TMEM182: variants seen among roughly 807,000 people sequenced by gnomAD.
The protein encoded by TMEM182 is transmembrane protein 182.
A neutral mutation model predicts 26.8 loss-of-function variants in TMEM182; 20 were observed. The observed-to-expected ratio is 0.75, with a 90% CI of 0.53 to 1.09. TMEM182 has a LOEUF of 1.09. Ranked by LOEUF, TMEM182 falls within the 50% of genes least tolerant of loss-of-function variation. TMEM182 has a pLI of 0.00. For missense variants in TMEM182, 277 were observed against 275.5 expected (o/e 1.01, Z -0.04); for synonymous variants, 109 against 102.2 (o/e 1.07, Z -0.40).
exon 1 of TMEM182, chr2:102,737,009 A>G: frequency 3.4e-6 from 2 of 586,470 alleles, no homozygotes; most frequent in East Asian, 3.0e-5. Flanking sequence ...CACATCATCA[A>G]TACGGTAAGC....
downstream of TMEM182, among the ~76,000 whole-genome samples, chr2:102,821,239 A>C (rs902180536): frequency 7.2e-5 from 11 of 152,204 alleles, no homozygotes; most frequent in Admixed American, 7.2e-4. Context: ...GACCTGCACA[A>C]GTGCATACAG....
chr2:102,831,294 A>G (rs1010153541), intron 3 of TMEM182, among the ~76,000 whole-genome samples: 2 of 152,336 alleles, frequency 1.3e-5, no homozygotes, highest in South Asian at 2.1e-4. Context: ...ACTAATTTGC[A>G]TTCCCACTGA....
intron 3 of TMEM182, among the ~76,000 whole-genome samples, chr2:102,831,712 G>T (rs561383001): frequency 6.6e-6 from 1 of 151,882 alleles, no homozygotes; most frequent in African/African-American, 2.4e-5. Flanking sequence ...AGCTGAAATC[G>T]CACCACTGCA....
At chr2:102,803,713 C>A (rs553444263) in intron 4 of TMEM182, among the ~76,000 whole-genome samples, 1 of 152,178 alleles carries the variant, frequency 6.6e-6, no homozygotes, top group African/African-American at 2.4e-5. Flanking sequence ...ACATGTTGCT[C>A]GCAGAGGCTC....
rs539863429 is a variant in TMEM182 at position 102,816,408 on chromosome 2, G to A, written c.*1440G>A. ...GGGAGAGGTGATCCCAGTCTTCTCTGTACATCTTGTGCTTTTCCATTAAGA... is the reference window on the plus strand; with the variant it reads ...GGGAGAGGTGATCCCAGTCTTCTCTATACATCTTGTGCTTTTCCATTAAGA... On this transcript the variant is annotated 3_prime_UTR_variant, in exon 5 of 5. Coordinates refer to ENST00000412401, the MANE Select transcript of TMEM182 (RefSeq NM_144632.5). 11 of 985,118 alleles carry A rather than the reference G, an allele frequency of 1.1e-5. No homozygotes were observed. In the South Asian group the frequency reaches 4.7e-4, roughly 42 times the overall value. 61.0% of individuals were successfully genotyped at this position (985,118 alleles called of 1,614,324 possible). A position where few individuals can be genotyped will look rare whatever the true frequency, so the allele number is the denominator to read the frequency against.
At chr2:102,786,082 A>T (rs546952287) in intron 3 of TMEM182, among the ~76,000 whole-genome samples, 20 of 151,330 alleles carry the variant, frequency 1.3e-4, no homozygotes, top group African/African-American at 4.9e-4. Flanking sequence ...TGAATGAGGA[A>T]ATTTGTCTTT....
intron 3 of TMEM182, among the ~76,000 whole-genome samples, chr2:102,777,760 T>C (rs1334611345): frequency 6.6e-6 from 1 of 151,692 alleles, no homozygotes; most frequent in African/African-American, 2.4e-5. Context: ...TATTTCCTTT[T>C]TTTTTTCTTT....
intron 3 of TMEM182, among the ~76,000 whole-genome samples, chr2:102,838,791 A>G (rs1388778257): frequency 6.6e-6 from 1 of 152,184 alleles, no homozygotes; most frequent in African/African-American, 2.4e-5. Flanking sequence ...ATAAAGTCTC[A>G]CAGATGTTTA....
intron 1 of TMEM182, among the ~76,000 whole-genome samples, chr2:102,741,715 A>T (rs1558748402): frequency 6.6e-6 from 1 of 152,220 alleles, no homozygotes; most frequent in Non-Finnish European, 1.5e-5. Flanking sequence ...TTACAAAAAT[A>T]TTAACAAGGT....
In TMEM182 at chr2:102,815,069, AC is replaced by A; in HGVS notation, c.*102del. 2 of 1,478,310 alleles carry A rather than the reference AC, an allele frequency of 1.4e-6. No homozygotes were observed. Among genetic ancestry groups the A allele is most frequent in the Non-Finnish European group, 1.8e-6 (2 of 1,120,590 alleles). The allele number at this position is 1,478,310 out of a possible 1,614,324, so 91.6% of individuals were successfully genotyped here. A position where few individuals can be genotyped will look rare whatever the true frequency, so the allele number is the denominator to read the frequency against. Reference sequence around the variant, plus strand: ...TCCCAGCATAAAGTTAGTAGATATAACTTTTTAGTTGCTATTCAAATTAATC... The same window carrying A: ...TCCCAGCATAAAGTTAGTAGATATAATTTTTAGTTGCTATTCAAATTAATC... On this transcript the variant is annotated 3_prime_UTR_variant, in exon 5 of 5. Transcript: ENST00000412401.
At chr2:102,782,490 G>A (rs546376241) in intron 3 of TMEM182, among the ~76,000 whole-genome samples, 31 of 151,256 alleles carry the variant, frequency 2.0e-4, no homozygotes, top group Non-Finnish European at 3.4e-4. Context: ...CATATATGGG[G>A]CTCATATTTT....
chr2:102,768,033 TCAGTTTCCCAAG>T (rs912432197), intron 3 of TMEM182, among the ~76,000 whole-genome samples: 71 of 152,168 alleles, frequency 4.7e-4, no homozygotes, highest in African/African-American at 1.6e-3. Flanking sequence ...AGTTCAAACT[TCAGTTTCCCAAG>T]GAAGACTTCC....
At chr2:102,789,683 G>A (rs1471691599) in intron 3 of TMEM182, among the ~76,000 whole-genome samples, 1 of 152,150 alleles carries the variant, frequency 6.6e-6, no homozygotes, top group African/African-American at 2.4e-5. Context: ...TTCATTCTCT[G>A]TATACTTACA....
chr2:102,762,012 G>C (rs1035073968), upstream of TMEM182: 3 of 461,532 alleles, frequency 6.5e-6, no homozygotes, highest in African/African-American at 6.0e-5. Context: ...GTTCCTCCAG[G>C]GGCGAGCAAA....
chr2:102,814,718 G>A (rs752922117), intron 4 of TMEM182, 30 bp from the exon 5 acceptor site: 20 of 1,588,382 alleles, frequency 1.3e-5, no homozygotes, highest in South Asian at 6.8e-5. Flanking sequence ...CTTCAGAAAG[G>A]CTAACAGTCT....
chr2:102,767,741 C>G (rs1680509997), intron 3 of TMEM182, among the ~76,000 whole-genome samples: 1 of 152,086 alleles, frequency 6.6e-6, no homozygotes, highest in East Asian at 1.9e-4. Flanking sequence ...CTGCAATAAA[C>G]TAGTTTGATT....
At chr2:102,813,763 G>A (rs1311107037) in intron 4 of TMEM182, among the ~76,000 whole-genome samples, 1 of 152,164 alleles carries the variant, frequency 6.6e-6, no homozygotes, top group African/African-American at 2.4e-5. Flanking sequence ...TTAAGGTCAT[G>A]GGTCCAAAAC....
At chr2:102,804,029 T>C (rs1280873886) in intron 4 of TMEM182, among the ~76,000 whole-genome samples, 1 of 152,266 alleles carries the variant, frequency 6.6e-6, no homozygotes, top group Non-Finnish European at 1.5e-5. Context: ...ATCTGGGCTA[T>C]AAATAGCTGC....
At chr2:102,761,747 A>T (rs917965), upstream of TMEM182, among the ~76,000 whole-genome samples, 4 of 152,032 alleles carry the variant, frequency 2.6e-5, no homozygotes, top group African/African-American at 9.7e-5. Flanking sequence ...TTGGGATTGT[A>T]ATGGGCATTC....
Sources: gnomAD v4.1 joint callset for allele counts (sites outside exome capture counted in the v4.1 genomes callset) on GRCh38, gnomAD v4.1.1 for gene constraint, MANE v1.5 for transcripts, NCBI Gene and HGNC (gene_info 2026-07-23, HGNC 2026-07-21) for gene names.